BARD1: variants seen among roughly 807,000 people sequenced by gnomAD.
The protein encoded by BARD1 is BRCA1-associated RING domain protein 1.
BARD1 carries 73 observed loss-of-function variants against 77.0 expected under a neutral mutation model. The observed-to-expected ratio is 0.95, with a 90% confidence interval of 0.79 to 1.15. The LOEUF is 1.15. Among genes scored for constraint, BARD1 ranks in the 50% most tolerant of loss-of-function variants. BARD1 has a pLI of 0.00. For synonymous variants in BARD1, 384 were observed against 338.0 expected (o/e 1.14, Z -1.49); for missense variants, 993 against 938.8 (o/e 1.06, Z -0.75).
chr2:214,802,778 A>C (rs1171220183), intron 1 of BARD1, among the ~76,000 whole-genome samples: 1 of 152,244 alleles, frequency 6.6e-6, no homozygotes, highest in Non-Finnish European at 1.5e-5. Flanking sequence ...AAATAAGAGA[A>C]GACATTTGCA....
chr2:214,777,846 A>C (rs1694801638), intron 4 of BARD1, among the ~76,000 whole-genome samples: 1 of 152,204 alleles, frequency 6.6e-6, no homozygotes, highest in South Asian at 2.1e-4. Context: ...GTACACATAG[A>C]TTTATTCATT....
rs977584514 is a variant in BARD1, at chr2:214,728,813, A to G, written c.2197T>C (p.Cys733Arg). ...HARPDSDQRF[C>R]TQYIIYEDLC... ...TCTTCATAGATGATATACTGTGTGC[A>G]GAAGCGCTGATCAGAATCGGGTCTC... The change falls in exon 11 of 11, where the codon TGC (cysteine) becomes CGC (arginine). Residue 733 changes from cysteine to arginine, a missense_variant. By Grantham distance (180) the Cys-to-Arg change is radical. Transcript: ENST00000260947. 1.9e-6 allele frequency: 3 copies of G among 1,614,242 alleles called. No homozygotes were observed. The highest frequency in any genetic ancestry group is 2.5e-6 in the Non-Finnish European group (3 of 1,180,036).
chr2:214,752,668 T>TTCTACTCAGAACTACTCAAA, intron 6 of BARD1, 113 bp from the exon 7 acceptor site: 1 of 785,616 alleles, frequency 1.3e-6, no homozygotes, highest in East Asian at 2.7e-5. Flanking sequence ...TCAGAACTCA[T>TTCTACTCAGAACTACTCAAA]ATTAGGCAGA....
intron 1 of BARD1, among the ~76,000 whole-genome samples, chr2:214,802,749 A>C (rs1696080968): frequency 6.6e-6 from 1 of 151,388 alleles, no homozygotes; most frequent in African/African-American, 2.5e-5. Flanking sequence ...CATATATATT[A>C]GATAGAAAAA....
rs76562298 is a variant in BARD1, at chr2:214,737,440, T to A, written c.1904-6932A>T. Among the ~76,000 whole-genome samples, 170 of 152,208 alleles carry A rather than the reference T, an allele frequency of 1.1e-3. No individual in the cohort carries two copies. In the East Asian group the frequency reaches 0.022, roughly 20 times the overall value. On this transcript the variant is annotated intron_variant, in intron 9 of 10. Coordinates refer to ENST00000260947, the MANE Select transcript of BARD1 (RefSeq NM_000465.4). Reference sequence around the variant, plus strand: ...GTCACAGATCAAGTTTTTTTGTTCATCTTTATTTTTAGTTGGATCAATGTG... The same window carrying A: ...GTCACAGATCAAGTTTTTTTGTTCAACTTTATTTTTAGTTGGATCAATGTG...
In BARD1 at chr2:214,730,439, C is replaced by T. The variant is rs377227840; in HGVS notation, c.1973G>A (p.Arg658His). The stretch of plus-strand genomic sequence containing the variant: ...CTGTTCTCTGTTGAGCCTGCTTCTG[C>T]GTGGACCTTCAGGAATTTCATACTT... ...EEKYEIPEGP[R>H]RSRLNREQLL... Residue 658 changes from arginine (R) to histidine (H), a missense_variant, in exon 10 of 11, where the codon CGC becomes CAC. Arg to His is a conservative substitution (Grantham distance 29). Transcript: ENST00000260947. The T allele has an allele frequency of 3.3e-5, 54 of 1,613,794 alleles. No homozygotes were observed. The highest frequency in any genetic ancestry group is 2.0e-4 in the Admixed American group (12 of 60,018).
At chr2:214,765,549 C>T (rs1167104527) in intron 6 of BARD1, among the ~76,000 whole-genome samples, 2 of 152,184 alleles carry the variant, frequency 1.3e-5, no homozygotes, top group African/African-American at 4.8e-5. Flanking sequence ...GATTCCCTAA[C>T]GCCCTGACCA....
At chr2:214,748,368 C>A (rs533690666) in intron 7 of BARD1, among the ~76,000 whole-genome samples, 2 of 151,796 alleles carry the variant, frequency 1.3e-5, no homozygotes, top group South Asian at 2.1e-4. Flanking sequence ...AAAAGAGGTA[C>A]AAAAAACACC....
intron 4 of BARD1, among the ~76,000 whole-genome samples, chr2:214,774,541 C>A (rs989804886): frequency 6.6e-6 from 1 of 152,208 alleles, no homozygotes; most frequent in Admixed American, 6.5e-5. Flanking sequence ...TAGGTCTCAA[C>A]AGCAGGCTTA....
rs3754548 is a variant in BARD1, at chr2:214,787,694, T to C, written c.364+4603A>G. ...GAATTTCAGAGTACATCACAAAATA[T>C]TGAGTAACAGAGATGCATGTGTTAC... On this transcript the variant is annotated intron_variant, in intron 3 of 10. Coordinates refer to ENST00000260947, the MANE Select transcript of BARD1 (RefSeq NM_000465.4). Among the ~76,000 whole-genome samples, 94 of 152,044 alleles carry C rather than the reference T, an allele frequency of 6.2e-4. No individual in the cohort carries two copies. In the East Asian group the frequency reaches 0.018, roughly 28 times the overall value.
At chr2:214,773,542 C>T (rs114979109) in intron 4 of BARD1, among the ~76,000 whole-genome samples, 55 of 152,200 alleles carry the variant, frequency 3.6e-4, no homozygotes, top group African/African-American at 1.3e-3. Context: ...TGCAATAAAA[C>T]AAGTCACACG....
Position 214,727,487 on chromosome 2 carries a change from T to G in BARD1, c.*1189A>C, listed in dbSNP as rs1363631068. 1 of 231,764 alleles carries G rather than the reference T, an allele frequency of 4.3e-6. No homozygotes were observed. Among genetic ancestry groups the G allele is most frequent in the Non-Finnish European group, 8.5e-6 (1 of 117,174 alleles). The allele number at this position is 231,764 out of a possible 1,614,324, so 14.4% of individuals were successfully genotyped here. ...GGAATTATTAAAGAATTCTGCTTCT[T>G]AAAAAAATGTTTCAAAATAATCTAA... is the stretch of plus-strand genomic sequence containing the variant. On this transcript the variant is annotated 3_prime_UTR_variant, in exon 11 of 11. Coordinates refer to ENST00000260947, the MANE Select transcript of BARD1 (RefSeq NM_000465.4).
At chr2:214,769,082 G>A (rs1299100483) in intron 5 of BARD1, 150 bp downstream of exon 5, 5 of 689,816 alleles carry the variant, frequency 7.2e-6, no homozygotes, top group Middle Eastern at 3.9e-4. Context: ...TAGAAGGAAA[G>A]TAATCATGTT....
At chr2:214,770,856 G>C (rs1574796333) in intron 4 of BARD1, among the ~76,000 whole-genome samples, 1 of 152,190 alleles carries the variant, frequency 6.6e-6, no homozygotes, top group African/African-American at 2.4e-5. Flanking sequence ...CTAGAAGTGA[G>C]AGATAATAAT....
At chr2:214,752,628 T>A (rs935938871) in intron 6 of BARD1, 73 bp from the exon 7 acceptor site, 64 of 1,055,840 alleles carry the variant, frequency 6.1e-5, no homozygotes, top group Middle Eastern at 2.2e-4. Flanking sequence ...ACATCCTTAA[T>A]AATATACAAT....
chr2:214,783,409 G>C (rs1559428370), intron 3 of BARD1, among the ~76,000 whole-genome samples: 2 of 152,162 alleles, frequency 1.3e-5, no homozygotes, highest in Admixed American at 6.6e-5. Flanking sequence ...CATGTCCTTT[G>C]CAGGGACATG....
Position 214,769,267 on chromosome 2 carries a change from G to A in BARD1, c.1360C>T (p.Pro454Ser), listed in dbSNP as rs730881408. The change falls in exon 5 of 11, where the codon CCA becomes TCA. Residue 454 changes from proline to serine, a missense_variant. Coordinates refer to ENST00000260947, the MANE Select transcript of BARD1 (RefSeq NM_000465.4). ...CATCCAGCATGGTCTTTAACATTTGGATCACTTCCATTTTGTAAAAGGTAT... is the reference window on the plus strand; with the variant it reads ...CATCCAGCATGGTCTTTAACATTTGAATCACTTCCATTTTGTAAAAGGTAT... ...VEYLLQNGSD[P>S]NVKDHAGWTP... The A allele has an allele frequency of 6.2e-7, 1 of 1,613,750 alleles. No individual in the cohort carries two copies. Among genetic ancestry groups the A allele is most frequent in the South Asian group, 1.1e-5 (1 of 91,058 alleles).
chr2:214,746,942 T>C (rs1439552266), intron 7 of BARD1, among the ~76,000 whole-genome samples: 1 of 152,084 alleles, frequency 6.6e-6, no homozygotes, highest in Admixed American at 6.6e-5. Context: ...GAGAAAATTT[T>C]TGCAACCTAC....
intron 4 of BARD1, among the ~76,000 whole-genome samples, chr2:214,778,680 T>C (rs1367984979): frequency 1.3e-5 from 2 of 152,190 alleles, no homozygotes; most frequent in Non-Finnish European, 1.5e-5. Context: ...GTTTGCATAT[T>C]GCCTGTGGCT....
Sources: gnomAD v4.1 joint callset for allele counts (sites outside exome capture counted in the v4.1 genomes callset) on GRCh38, gnomAD v4.1.1 for gene constraint, MANE v1.5 for transcripts, NCBI Gene and HGNC (gene_info 2026-07-23, HGNC 2026-07-21) for gene names.